The following MCM8 variants were observed in gnomAD, a reference collection of about 807,000 sequenced individuals.
The protein encoded by MCM8 is minichromosome maintenance 8 homologous recombination repair factor.
MCM8 carries 85 observed loss-of-function variants against 98.9 expected under a neutral mutation model. The observed-to-expected ratio is 0.86, with a 90% CI of 0.72 to 1.03. The LOEUF (loss-of-function observed/expected upper bound fraction) is 1.03. MCM8 is among the 50% of genes least tolerant of loss of function. The pLI, the probability that MCM8 is intolerant of heterozygous loss-of-function variation, is 0.00. For synonymous variants in MCM8, 352 were observed against 338.6 expected, an observed-to-expected ratio of 1.04 and a Z score of -0.44; for missense variants, 951 against 997.8, an observed-to-expected ratio of 0.95 and a Z score of 0.63.
Position 5,973,107 on chromosome 20 carries a change from G to A in MCM8, c.1306G>A (p.Ala436Thr), listed in dbSNP as rs1023978822. 1.5e-5 allele frequency: 24 copies of A among 1,614,162 alleles called. No individual in the cohort carries two copies. Among genetic ancestry groups the A allele is most frequent in the South Asian group, 8.8e-5 (8 of 91,084 alleles). ...LALFGGSQKY[A>T]DDKNRIPIRG... Reference sequence around the variant, plus strand: ...ACTCTTTGGAGGAAGCCAGAAATACGCAGATGACAAAAACAGAATTCCAAT... The same window carrying A: ...ACTCTTTGGAGGAAGCCAGAAATACACAGATGACAAAAACAGAATTCCAAT... Residue 436 changes from alanine to threonine, a missense_variant, in exon 12 of 19, where the codon GCA (alanine) becomes ACA (threonine). Coordinates refer to ENST00000610722, the MANE Select transcript of MCM8 (RefSeq NM_032485.6).
At chr20:5,954,555 A>C in intron 3 of MCM8, 53 bp from the exon 4 acceptor site, 10 of 1,008,362 alleles carry the variant, frequency 9.9e-6, no homozygotes, top group Non-Finnish European at 1.6e-5. Context: ...CTCATGAAAA[A>C]TGTGCATGTA....
intron 17 of MCM8, among the ~76,000 whole-genome samples, chr20:5,990,026 C>T (rs2089815774): frequency 6.6e-6 from 1 of 151,682 alleles, no homozygotes; most frequent in African/African-American, 2.4e-5. Flanking sequence ...AACAACTTAC[C>T]TTCTGTGTCT....
intron 17 of MCM8, among the ~76,000 whole-genome samples, chr20:5,989,878 G>A (rs1188399488): frequency 6.6e-6 from 1 of 152,154 alleles, no homozygotes; most frequent in African/African-American, 2.4e-5. Flanking sequence ...CAACCGTGAG[G>A]TTCTACTGGC....
rs1288601771 is a variant in MCM8 at position 5,997,599 on chromosome 20, A to G, written c.*3208A>G. ...TGAATAGCTGAGACTACAGGCATGC[A>G]CCACTACACCTGGCTGCGAGATGAA... is the stretch of plus-strand genomic sequence containing the variant. On this transcript the variant is annotated 3_prime_UTR_variant, in exon 19 of 19. Transcript: ENST00000610722. 2 of 152,398 alleles carry G rather than the reference A, an allele frequency of 1.3e-5. No homozygotes were observed. Among genetic ancestry groups the G allele is most frequent in the African/African-American group, 2.4e-5 (1 of 41,422 alleles). The allele number at this position is 152,398 out of a possible 1,614,324, so 9.4% of individuals were successfully genotyped here. A position where few individuals can be genotyped will look rare whatever the true frequency, so the allele number is the denominator to read the frequency against.
chr20:5,975,495 C>T (rs1264759925), intron 12 of MCM8, among the ~76,000 whole-genome samples: 6 of 138,236 alleles, frequency 4.3e-5, no homozygotes, highest in Admixed American at 4.2e-4. Flanking sequence ...CCTTTTTTTG[C>T]TCTTTTTTTT....
intron 10 of MCM8, 39 bp from the exon 11 acceptor site, chr20:5,971,968 G>T: frequency 1.3e-6 from 2 of 1,571,870 alleles, no homozygotes; most frequent in Non-Finnish European, 1.7e-6. Context: ...GATCAATGAA[G>T]TATAAATTAG....
At chr20:5,977,318 T>G (rs1039246328) in intron 12 of MCM8, among the ~76,000 whole-genome samples, 1 of 152,200 alleles carries the variant, frequency 6.6e-6, no homozygotes, top group African/African-American at 2.4e-5. Flanking sequence ...ATAAGGAAGC[T>G]GAGGCTCAGA....
At chr20:5,980,812 T>C (rs13041190) in intron 13 of MCM8, among the ~76,000 whole-genome samples, 45,362 of 149,712 alleles carry the variant, frequency 0.3, 9,036 homozygotes, top group African/African-American at 0.57. Context: ...ATGGAGGTTG[T>C]AGTGAGACAT....
intron 17 of MCM8, among the ~76,000 whole-genome samples, chr20:5,991,785 A>AG (rs2089858184): frequency 2.0e-5 from 3 of 152,230 alleles, no homozygotes; most frequent in Admixed American, 2.0e-4. Context: ...GTCATAAAGT[A>AG]GGCCTTCAGT....
chr20:5,975,756 A>G (rs2089498054), intron 12 of MCM8, among the ~76,000 whole-genome samples: 1 of 151,038 alleles, frequency 6.6e-6, no homozygotes, highest in African/African-American at 2.4e-5. Flanking sequence ...TCAGCCTCCC[A>G]AAGTGCTGGG....
intron 4 of MCM8, among the ~76,000 whole-genome samples, 159 bp downstream of exon 4, chr20:5,954,849 C>G (rs962883243): frequency 6.6e-6 from 1 of 152,182 alleles, no homozygotes; most frequent in Non-Finnish European, 1.5e-5. Flanking sequence ...AATTACTTCT[C>G]TGTGCCTCAG....
At chr20:5,982,242 T>C (rs903092587) in intron 13 of MCM8, among the ~76,000 whole-genome samples, 1 of 152,300 alleles carries the variant, frequency 6.6e-6, no homozygotes, top group Non-Finnish European at 1.5e-5. Context: ...TCAAAAAGAC[T>C]AATCAGCAGT....
chr20:5,964,241 G>A lies in MCM8; in HGVS notation c.875+882G>A, dbSNP rs115120446. Among the ~76,000 whole-genome samples, 524 of 151,712 alleles carry A rather than the reference G, an allele frequency of 3.5e-3. 6 individuals are homozygous for A. The highest frequency in any genetic ancestry group is 0.012 in the African/African-American group (492 of 41,398). ...ATCCCTAAATATAAAATAATGAATG[G>A]TTTTGAAGTCAGTGCTCTCTAGCAA... On this transcript the variant is annotated intron_variant, in intron 8 of 18. Transcript: ENST00000610722.
At position 5,982,994 on chromosome 20, in the gene MCM8, A is replaced by T. The variant is rs1170534742; in HGVS notation, c.1562A>T (p.Asp521Val). 1 of 1,611,702 alleles carries T rather than the reference A, an allele frequency of 6.2e-7. No homozygotes were observed. Among genetic ancestry groups the T allele is most frequent in the East Asian group, 2.2e-5 (1 of 44,800 alleles). ...DQGICGIDEF[D>V]KMGNQHQALL... ...GGTATTTGTGGAATCGATGAATTTG[A>T]TAAGATGGGGAATCAACATCAAGCC... Residue 521 changes from aspartate (D) to valine (V), a missense_variant, in exon 14 of 19, where the codon GAT becomes GTT. Physicochemically the swap from Asp to Val is radical, Grantham distance 152. Coordinates refer to ENST00000610722, the MANE Select transcript of MCM8 (RefSeq NM_032485.6).
chr20:5,969,890 G>A (rs1420945404), intron 10 of MCM8, among the ~76,000 whole-genome samples: 4 of 152,110 alleles, frequency 2.6e-5, no homozygotes, highest in Non-Finnish European at 4.4e-5. Flanking sequence ...AACATCTTTG[G>A]TTCCTCTTAA....
chr20:5,967,478 G>T lies in MCM8; in HGVS notation c.918G>T (p.Arg306=). 1.2e-6 allele frequency: 2 copies of T among 1,614,012 alleles called. No homozygotes were observed. Among genetic ancestry groups the T allele is most frequent in the Non-Finnish European group, 8.5e-7 (1 of 1,179,944 alleles). The stretch of plus-strand genomic sequence containing the variant: ...CTGATGATCAGAGAGAAGCAGGTCG[G>T]ATTCCACGAACAATAGAATGTGAGC... ...LMSDDQREAG[R]IPRTIECELV... The change falls in exon 9 of 19, where the codon CGG becomes CGT. Residue 306 remains arginine, a synonymous_variant. Coordinates refer to ENST00000610722, the MANE Select transcript of MCM8 (RefSeq NM_032485.6).
At position 5,983,198 on chromosome 20, in the gene MCM8, T is replaced by C. The variant is rs139057677; in HGVS notation, c.1733+33T>C. The C allele has an allele frequency of 1.9e-3, 2,972 of 1,525,224 alleles. 32 individuals carry two copies. The African/African-American group carries it at 0.028, about 15-fold the overall frequency. 94.5% of individuals were successfully genotyped at this position (1,525,224 alleles called of 1,614,324 possible). Reference sequence around the variant, plus strand: ...TCTTCAAATATTTATACCTTTAATGTATTGAATCACTTTAATTCAATAAGA... The same window carrying C: ...TCTTCAAATATTTATACCTTTAATGCATTGAATCACTTTAATTCAATAAGA... On this transcript the variant is annotated intron_variant, in intron 14 of 18. Transcript: ENST00000610722.
At chr20:5,952,402 C>T in intron 2 of MCM8, 22 bp from the exon 3 acceptor site, 1 of 1,607,204 alleles carries the variant, frequency 6.2e-7, no homozygotes, top group Non-Finnish European at 8.5e-7. Flanking sequence ...TTTCTACTAA[C>T]CTAGTATTTT....
chr20:5,986,725 C>T (rs760576906), intron 16 of MCM8, among the ~76,000 whole-genome samples: 1 of 152,198 alleles, frequency 6.6e-6, no homozygotes, highest in African/African-American at 2.4e-5. Flanking sequence ...ATCATCAAAT[C>T]TCCTGAAATG....
Sources: gnomAD v4.1 joint callset for allele counts (sites outside exome capture counted in the v4.1 genomes callset) on GRCh38, gnomAD v4.1.1 for gene constraint, MANE v1.5 for transcripts, NCBI Gene and HGNC (gene_info 2026-07-23, HGNC 2026-07-21) for gene names.